ADGRD1: variants seen among roughly 807,000 people sequenced by gnomAD.
ADGRD1 encodes adhesion G protein-coupled receptor D1.
A neutral mutation model predicts 113.4 loss-of-function variants in ADGRD1; 77 were observed. That is an observed-to-expected ratio of 0.68 (90% CI 0.57 to 0.82). The LOEUF (loss-of-function observed/expected upper bound fraction) is 0.82. ADGRD1 is among the 40% of genes least tolerant of loss of function. ADGRD1 has a pLI of 0.00. For missense variants in ADGRD1, 1,036 were observed against 1,139.1 expected (o/e 0.91, Z 1.30); for synonymous variants, 474 against 475.0 (o/e 1.00, Z 0.03).
At chr12:130,986,766 G>A in intron 5 of ADGRD1, 1 of 308,546 alleles carries the variant, frequency 3.2e-6, no homozygotes, top group Non-Finnish European at 6.1e-6. Flanking sequence ...TGGTCTGATT[G>A]GTTGGCACTT....
intron 2 of ADGRD1, among the ~76,000 whole-genome samples, chr12:130,960,016 C>T (rs1189600544): frequency 6.6e-6 from 1 of 152,180 alleles, no homozygotes; most frequent in East Asian, 1.9e-4. Context: ...TTTCCAGGGC[C>T]TCAGGCGGCC....
At chr12:131,104,778 C>A in intron 15 of ADGRD1, 53 bp from the exon 16 acceptor site, 3 of 1,316,280 alleles carry the variant, frequency 2.3e-6, no homozygotes, top group Non-Finnish European at 3.2e-6. Context: ...CAGCTTCAGG[C>A]TCCGATGGGG....
chr12:131,053,282 G>A (rs1883563462), intron 13 of ADGRD1, among the ~76,000 whole-genome samples: 1 of 152,242 alleles, frequency 6.6e-6, no homozygotes, highest in South Asian at 2.1e-4. Context: ...CCCCGTTCCT[G>A]TGCTGTGAAC....
At chr12:131,038,957 G>C (rs1029796938) in intron 13 of ADGRD1, among the ~76,000 whole-genome samples, 1 of 152,260 alleles carries the variant, frequency 6.6e-6, no homozygotes, top group Non-Finnish European at 1.5e-5. Flanking sequence ...GAGTGGAGGA[G>C]GGAGCAAGGC....
chr12:130,973,455 T>G (rs1461018622), intron 4 of ADGRD1: 2 of 152,272 alleles, frequency 1.3e-5, no homozygotes, highest in African/African-American at 2.4e-5. Context: ...ATCGCTCATG[T>G]GTCCATGATT....
intron 13 of ADGRD1, among the ~76,000 whole-genome samples, chr12:131,047,968 C>T (rs1434788649): frequency 6.6e-6 from 1 of 152,244 alleles, no homozygotes; most frequent in Non-Finnish European, 1.5e-5. Flanking sequence ...TGCCAGTCAT[C>T]TCCACATCCC....
intron 18 of ADGRD1, among the ~76,000 whole-genome samples, chr12:131,111,186 A>G (rs531232178): frequency 6.6e-6 from 1 of 151,928 alleles, no homozygotes; most frequent in South Asian, 2.1e-4. Context: ...TCCACCTCCC[A>G]GCCTCAAGTG....
At position 131,060,797 on chromosome 12, in the gene ADGRD1, C is replaced by T. The variant is rs1884254038; in HGVS notation, c.1474-16004C>T. Among the ~76,000 whole-genome samples the T allele has an allele frequency of 6.6e-6, 1 of 152,112 alleles. No homozygotes were observed. The highest frequency in any genetic ancestry group is 1.5e-5 in the Non-Finnish European group (1 of 68,030). On this transcript the variant is annotated intron_variant, in intron 13 of 24. Transcript: ENST00000261654. The surrounding 1 kb of genome is among the most constrained non-coding windows in gnomAD (Gnocchi z 4.4). Reference sequence around the variant, plus strand: ...TGTAAAATCACTTATGATCTCACTGCCTGGAGATCCCATTGCCTGGATTCT... The same window carrying T: ...TGTAAAATCACTTATGATCTCACTGTCTGGAGATCCCATTGCCTGGATTCT...
chr12:130,983,460 T>C (rs1873263861), intron 5 of ADGRD1, among the ~76,000 whole-genome samples: 2 of 152,284 alleles, frequency 1.3e-5, no homozygotes. Flanking sequence ...CAGAGTCCGA[T>C]TGTAAGCAGC....
At chr12:131,020,362 T>G (rs111451390) in intron 13 of ADGRD1, among the ~76,000 whole-genome samples, 2,963 of 151,086 alleles carry the variant, frequency 0.02, 208 homozygotes, top group African/African-American at 0.069. Context: ...GGGCAGAGGG[T>G]GCTTCAGGGA....
At chr12:131,043,740 GGGCTCGTGCGGCTGGGGAGCA>G (rs1882383444) in intron 13 of ADGRD1, among the ~76,000 whole-genome samples, 1 of 152,218 alleles carries the variant, frequency 6.6e-6, no homozygotes, top group Non-Finnish European at 1.5e-5. Flanking sequence ...GCTGGGGAAC[GGGCTCGTGCGGCTGGGGAGCA>G]GGCTCGTAGT....
chr12:131,004,657 C>T (rs746828995), intron 11 of ADGRD1, among the ~76,000 whole-genome samples: 1 of 152,156 alleles, frequency 6.6e-6, no homozygotes, highest in Middle Eastern at 3.2e-3. Context: ...CCTCCTAAAT[C>T]GGCACACACC....
intron 11 of ADGRD1, among the ~76,000 whole-genome samples, chr12:131,005,525 T>C (rs1876972409): frequency 6.6e-6 from 1 of 152,152 alleles, no homozygotes; most frequent in Non-Finnish European, 1.5e-5. Context: ...CACTCAGTGT[T>C]GCCCTAAATC....
intron 13 of ADGRD1, among the ~76,000 whole-genome samples, chr12:131,018,563 C>T (rs1027973253): frequency 6.6e-6 from 1 of 152,126 alleles, no homozygotes; most frequent in Admixed American, 6.5e-5. Flanking sequence ...CACGAGGACC[C>T]GTATGTTAAA....
At chr12:131,021,505 T>C (rs1882192880) in intron 13 of ADGRD1, among the ~76,000 whole-genome samples, 1 of 152,188 alleles carries the variant, frequency 6.6e-6, no homozygotes, top group Admixed American at 6.5e-5. Flanking sequence ...TCCTTTCTTA[T>C]CGCAGCATCA....
intron 15 of ADGRD1, among the ~76,000 whole-genome samples, chr12:131,098,188 G>GCCTCACCGCCTTCTCC (rs1593210144): frequency 7.7e-6 from 1 of 129,542 alleles, no homozygotes. Flanking sequence ...TGCTGTCTGG[G>GCCTCACCGCCTTCTCC]CTGCCTCACT....
chr12:131,054,559 A>C (rs745613749), intron 13 of ADGRD1, among the ~76,000 whole-genome samples: 2 of 152,110 alleles, frequency 1.3e-5, no homozygotes, highest in Non-Finnish European at 2.9e-5. Context: ...GTGTGGACTC[A>C]GGCTATTCCT....
intron 13 of ADGRD1, among the ~76,000 whole-genome samples, chr12:131,066,311 G>A (rs979729237): frequency 6.6e-6 from 1 of 152,190 alleles, no homozygotes; most frequent in South Asian, 2.1e-4. Context: ...GTTCCCTAGG[G>A]TTTCCCGCCG....
intron 13 of ADGRD1, chr12:131,023,468 C>CGTGTGT (rs59794195): frequency 6.6e-6 from 1 of 151,090 alleles, no homozygotes; most frequent in Non-Finnish European, 1.5e-5. Context: ...CGGTCCCATT[C>CGTGTGT]GTGTGTGTGT....
Sources: allele counts gnomAD v4.1 joint callset (sites outside exome capture counted in the v4.1 genomes callset), GRCh38; gene constraint gnomAD v4.1.1; non-coding constraint Gnocchi (gnomAD v3.1); transcripts MANE v1.5; gene names NCBI Gene and HGNC (gene_info 2026-07-23, HGNC 2026-07-21).